GALNT6: variants seen among roughly 807,000 people sequenced by gnomAD.
GALNT6 encodes GalNAc transferase 6.
Under a neutral mutation model 65.9 loss-of-function variants are expected in GALNT6, and 51 were observed. That is an observed-to-expected ratio of 0.77 (90% CI 0.62 to 0.98). The LOEUF (loss-of-function observed/expected upper bound fraction) is 0.98. GALNT6 is among the 50% of genes least tolerant of loss of function. The probability of loss-of-function intolerance (pLI) is 0.00; values close to 1 mark genes in which losing one functional copy is unlikely to be tolerated. For missense variants in GALNT6, 708 were observed against 803.3 expected (o/e 0.88, Z 1.43); for synonymous variants, 323 against 315.1 (o/e 1.02, Z -0.26).
intron 6 of GALNT6, among the ~76,000 whole-genome samples, chr12:51,363,587 C>T (rs2137591956): frequency 6.6e-6 from 1 of 152,358 alleles, no homozygotes; most frequent in South Asian, 2.1e-4. Context: ...TTCAGGGCAA[C>T]TGCTACAAAC....
At chr12:51,366,571 G>A (rs1293243291) in intron 4 of GALNT6, among the ~76,000 whole-genome samples, 6 of 152,092 alleles carry the variant, frequency 3.9e-5, no homozygotes, top group East Asian at 1.9e-4. Context: ...GAGCCCAGCC[G>A]GCTTGACCAT....
At chr12:51,364,465 G>T in intron 5 of GALNT6, 110 bp from the exon 6 acceptor site, 1 of 728,234 alleles carries the variant, frequency 1.4e-6, no homozygotes, top group Non-Finnish European at 2.3e-6. Context: ...CCTACTCCTG[G>T]GTTACAGGCA....
chr12:51,361,755 T>A (rs913386968), intron 6 of GALNT6, among the ~76,000 whole-genome samples: 2 of 151,756 alleles, frequency 1.3e-5, no homozygotes, highest in Non-Finnish European at 2.9e-5. Context: ...CGGTGAGACA[T>A]GGCAGGAGCA....
rs1344918226 is a variant in GALNT6 at position 51,387,220 on chromosome 12, C to T, written c.-104+3630G>A. Among the ~76,000 whole-genome samples the T allele has an allele frequency of 1.3e-5, 2 of 152,054 alleles. No individual in the cohort carries two copies. The highest frequency in any genetic ancestry group is 2.9e-5 in the Non-Finnish European group (2 of 68,008). ...TCAAGCGATTCTCATCCCTCAGCCTCCCGGGTAGCTGGGATTACAGGCGCC... is the reference window on the plus strand; with the variant it reads ...TCAAGCGATTCTCATCCCTCAGCCTTCCGGGTAGCTGGGATTACAGGCGCC... On this transcript the variant is annotated intron_variant, in intron 2 of 11. Coordinates refer to ENST00000356317, the MANE Select transcript of GALNT6 (RefSeq NM_007210.4). The surrounding 1 kb of genome is among the most constrained non-coding windows in gnomAD (Gnocchi z 4.2).
intron 4 of GALNT6, among the ~76,000 whole-genome samples, chr12:51,371,056 TTATTATTATTA>T (rs769162272): frequency 0.12 from 304 of 2,462 alleles, 2 homozygotes; most frequent in Non-Finnish European, 0.31. Flanking sequence ...TTTTAAAAAA[TTATTATTATTA>T]TTATTATTAT....
In GALNT6 at chr12:51,359,254, T is replaced by C. The variant is rs1236587304; in HGVS notation, c.1246A>G (p.Thr416Ala). The C allele has an allele frequency of 2.5e-6, 4 of 1,613,894 alleles. No homozygotes were observed. In the African/African-American group the frequency reaches 4.0e-5, roughly 16 times the overall value. Residue 416 changes from threonine (T) to alanine (A), a missense_variant, in exon 8 of 12, where the codon ACC (threonine) becomes GCC (alanine). Coordinates refer to ENST00000356317, the MANE Select transcript of GALNT6 (RefSeq NM_007210.4). ...GHVFRTKSPH[T>A]FPKGTSVIAR... is the part of the protein sequence containing the mutation. The stretch of plus-strand genomic sequence containing the variant: ...ATGACACTAGTGCCCTTGGGGAAGG[T>C]GTGGGGGCTCTTGGTCCGGAACACA...
chr12:51,367,362 G>A (rs1947142170), intron 4 of GALNT6, among the ~76,000 whole-genome samples: 1 of 152,204 alleles, frequency 6.6e-6, no homozygotes. Context: ...TTGAACCCAG[G>A]AGGTGGAGGT....
At chr12:51,354,609 G>C in intron 11 of GALNT6, 117 bp from the exon 12 acceptor site, 1 of 642,864 alleles carries the variant, frequency 1.6e-6, no homozygotes, top group Non-Finnish European at 2.7e-6. Flanking sequence ...AAGGCACAAA[G>C]AGGACACTTC....
At chr12:51,356,639 C>T (rs1946758993) in intron 10 of GALNT6, among the ~76,000 whole-genome samples, 1 of 152,158 alleles carries the variant, frequency 6.6e-6, no homozygotes, top group South Asian at 2.1e-4. Flanking sequence ...GCTGGGATTA[C>T]AGGTGTGGGC....
In GALNT6 at chr12:51,386,363, T is replaced by C. The variant is rs1436214293; in HGVS notation, c.-104+4487A>G. Among the ~76,000 whole-genome samples, 6 of 152,146 alleles carry C rather than the reference T, an allele frequency of 3.9e-5. No individual in the cohort carries two copies. The South Asian group carries it at 8.3e-4, about 21-fold the overall frequency. ...CCTGTCCTCCCTGAGCCTCCCCGAC[T>C]CCACCCTTTGATCCCCTTCCTGGCA... On this transcript the variant is annotated intron_variant, in intron 2 of 11. Coordinates refer to ENST00000356317, the MANE Select transcript of GALNT6 (RefSeq NM_007210.4).
chr12:51,384,961 T>C (rs1947785020), intron 2 of GALNT6, among the ~76,000 whole-genome samples: 1 of 152,166 alleles, frequency 6.6e-6, no homozygotes, highest in African/African-American at 2.4e-5. Context: ...ATGTATCACA[T>C]GTAACACAGG....
Position 51,364,252 on chromosome 12 carries a change from A to G in GALNT6, c.918T>C (p.Phe306=). Residue 306 remains phenylalanine (F), a synonymous_variant, in exon 6 of 12, where the codon TTT becomes TTC. Coordinates refer to ENST00000356317, the MANE Select transcript of GALNT6 (RefSeq NM_007210.4). ...CCCTCTGGACGGGCTTGGCGAACTC[A>G]AAAGTATTAAGGTCGATGGTGACGA... ...PDIVTIDLNT[F]EFAKPVQRGR... is the part of the protein sequence containing the mutation. 6.2e-7 allele frequency: 1 copy of G among 1,614,082 alleles called. No individual in the cohort carries two copies. Among genetic ancestry groups the G allele is most frequent in the African/African-American group, 1.3e-5 (1 of 75,018 alleles).
At chr12:51,385,343 G>A (rs1257519952) in intron 2 of GALNT6, among the ~76,000 whole-genome samples, 1 of 152,078 alleles carries the variant, frequency 6.6e-6, no homozygotes, top group African/African-American at 2.4e-5. Context: ...GATACACACT[G>A]CCTGATACAA....
At chr12:51,359,496 TAGGCCATGACTACACGATCCC>T in intron 7 of GALNT6, 164 bp from the exon 8 acceptor site, 1 of 558,248 alleles carries the variant, frequency 1.8e-6, no homozygotes, top group African/African-American at 1.9e-5. Flanking sequence ...GGCTTCTTCC[TAGGCCATGACTACACGATCCC>T]AGGCTTTCTG....
rs73095118 is a variant in GALNT6 at position 51,387,970 on chromosome 12, C to T, written c.-104+2880G>A. On this transcript the variant is annotated intron_variant, in intron 2 of 11. Transcript: ENST00000356317. This position sits in a 1 kb window ranked among gnomAD's most constrained non-coding sequence, Gnocchi z 4.2. The stretch of plus-strand genomic sequence containing the variant: ...CTTTCACCCGGGGCCACTGGCTACT[C>T]AATGTACCATCCCCTGGGCTCAGGG... Among the ~76,000 whole-genome samples, 16,141 of 152,194 alleles carry T rather than the reference C, an allele frequency of 0.11. 899 individuals are homozygous for T. Among genetic ancestry groups the T allele is most frequent in the South Asian group, 0.14 (668 of 4,818 alleles).
intron 6 of GALNT6, among the ~76,000 whole-genome samples, chr12:51,363,383 A>G (rs1946988093): frequency 6.6e-6 from 1 of 152,190 alleles, no homozygotes; most frequent in Admixed American, 6.5e-5. Flanking sequence ...CCTGCAGCTC[A>G]GGGGCTGGCA....
intron 5 of GALNT6, among the ~76,000 whole-genome samples, chr12:51,364,956 GAGC>G (rs2137604815): frequency 6.6e-6 from 1 of 152,308 alleles, no homozygotes; most frequent in Non-Finnish European, 1.5e-5. Flanking sequence ...TCCAAGACTA[GAGC>G]TTCCCCTAAT....
chr12:51,376,762 GT>G (rs1221178180), intron 4 of GALNT6, among the ~76,000 whole-genome samples: 11 of 152,086 alleles, frequency 7.2e-5, no homozygotes, highest in Admixed American at 5.2e-4. Context: ...CTCAGTAGAT[GT>G]TTGTGGAATT....
intron 3 of GALNT6, among the ~76,000 whole-genome samples, chr12:51,378,462 G>A (rs984584202): frequency 2.0e-5 from 3 of 152,100 alleles, no homozygotes; most frequent in Admixed American, 2.0e-4. Flanking sequence ...TGGCCCCAGT[G>A]CCCTTCTCTG....
Sources: gnomAD v4.1 joint callset for allele counts (sites outside exome capture counted in the v4.1 genomes callset) on GRCh38, gnomAD v4.1.1 for gene constraint, Gnocchi (gnomAD v3.1) non-coding constraint, MANE v1.5 for transcripts, NCBI Gene and HGNC (gene_info 2026-07-23, HGNC 2026-07-21) for gene names.